FMN1: variants seen among roughly 807,000 people sequenced by gnomAD.
FMN1 encodes the protein formin-1.
FMN1 carries 110 observed loss-of-function variants against 132.4 expected under a neutral mutation model. The observed-to-expected ratio is 0.83, with a 90% confidence interval of 0.71 to 0.97. The LOEUF is 0.97. Ranked by LOEUF, FMN1 falls within the 50% of genes least tolerant of loss-of-function variation. The pLI, the probability that FMN1 is intolerant of heterozygous loss-of-function variation, is 0.00. For synonymous variants in FMN1, 722 were observed against 651.7 expected (o/e 1.11, Z -1.64); for missense variants, 1,792 against 1,705.3 (o/e 1.05, Z -0.90).
Position 32,774,982 on chromosome 15 carries a change from C to A in FMN1, c.4216-628G>T, listed in dbSNP as rs553510936. 2.0e-5 allele frequency among the ~76,000 whole-genome samples: 3 copies of A among 152,156 alleles called. No homozygotes were observed. The South Asian group carries it at 6.2e-4, about 32-fold the overall frequency. ...GGAGCACACTACACAGAAACATGGACCCCCATGGTATCTGTGACACTAGGG... is the reference window on the plus strand; with the variant it reads ...GGAGCACACTACACAGAAACATGGAACCCCATGGTATCTGTGACACTAGGG... On this transcript the variant is annotated intron_variant, in intron 20 of 20. Transcript: ENST00000616417.
intron 11 of FMN1, 22 bp downstream of exon 11, chr15:32,910,452 T>G: frequency 6.5e-7 from 1 of 1,539,352 alleles, no homozygotes; most frequent in Non-Finnish European, 8.8e-7. Context: ...AAATACTAGC[T>G]CTGTAAGTCT....
intron 7 of FMN1, among the ~76,000 whole-genome samples, chr15:32,987,491 GCTTT>G (rs2033143054): frequency 6.6e-6 from 1 of 152,126 alleles, no homozygotes; most frequent in African/African-American, 2.4e-5. Context: ...AGAGCAGAAG[GCTTT>G]CTGACTGCCT....
chr15:33,076,351 T>C (rs182232220), intron 5 of FMN1, among the ~76,000 whole-genome samples: 3 of 152,370 alleles, frequency 2.0e-5, no homozygotes, highest in Non-Finnish European at 2.9e-5. Flanking sequence ...TATTCCCTTC[T>C]TCTCATGCAG....
At chr15:33,110,489 T>C (rs1391658166) in intron 4 of FMN1, among the ~76,000 whole-genome samples, 1 of 152,012 alleles carries the variant, frequency 6.6e-6, no homozygotes, top group African/African-American at 2.4e-5. Context: ...GAATCTTCTA[T>C]ATTTTTCTAT....
At chr15:33,092,582 G>T (rs769183156) in intron 4 of FMN1, among the ~76,000 whole-genome samples, 1 of 152,128 alleles carries the variant, frequency 6.6e-6, no homozygotes, top group Admixed American at 6.6e-5. Flanking sequence ...CGAATGAGAC[G>T]TGGAACATCT....
intron 4 of FMN1, among the ~76,000 whole-genome samples, chr15:33,126,325 T>G (rs1394791502): frequency 2.0e-5 from 3 of 152,030 alleles, no homozygotes; most frequent in Non-Finnish European, 2.9e-5. Flanking sequence ...AACAGTCTAA[T>G]AGAGAGGAGG....
At chr15:33,048,110 G>A (rs533854779) in intron 6 of FMN1, among the ~76,000 whole-genome samples, 1 of 141,366 alleles carries the variant, frequency 7.1e-6, no homozygotes, top group Non-Finnish European at 1.5e-5. Flanking sequence ...TAAAGATTAT[G>A]GGTAAAATAA....
At chr15:32,914,295 A>G (rs901463268) in intron 10 of FMN1, among the ~76,000 whole-genome samples, 1 of 152,228 alleles carries the variant, frequency 6.6e-6, no homozygotes, top group African/African-American at 2.4e-5. Flanking sequence ...TAATTAAGCT[A>G]AATTCATCCA....
Position 33,154,749 on chromosome 15 carries a change from C to G in FMN1, c.166G>C (p.Glu56Gln). 1.3e-6 allele frequency: 2 copies of G among 1,536,102 alleles called. No individual in the cohort carries two copies. The highest frequency in any genetic ancestry group is 1.7e-6 in the Non-Finnish European group (2 of 1,146,926). The change falls in exon 4 of 21, where the codon GAG becomes CAG. Residue 56 changes from glutamate (E) to glutamine (Q), a missense_variant. Coordinates refer to ENST00000616417, the MANE Select transcript of FMN1 (RefSeq NM_001277313.2). ...TGGCTGAGGCTGATGATGTCTGACT[C>G]CTCCCTGACTTGGTAGCAGTTATGA... Reference protein sequence around the residue: ...GFHNCYQVREESDIISLSQEP... With the variant: ...GFHNCYQVREQSDIISLSQEP...
At chr15:33,085,750 G>A (rs1367655813) in intron 5 of FMN1, among the ~76,000 whole-genome samples, 1 of 151,980 alleles carries the variant, frequency 6.6e-6, no homozygotes, top group Non-Finnish European at 1.5e-5. Flanking sequence ...GGGGGAAAGG[G>A]TATAGGAAAA....
intron 6 of FMN1, among the ~76,000 whole-genome samples, chr15:33,057,833 A>G (rs75538279): frequency 3.7e-3 from 559 of 152,338 alleles, no homozygotes; most frequent in Non-Finnish European, 5.7e-3. Flanking sequence ...TTGTTCTACA[A>G]AAGAAGAAAA....
Position 33,107,824 on chromosome 15 carries a change from T to C in FMN1, c.1868-18850A>G, listed in dbSNP as rs116917456. ...ATATCAGATCTGGTTTTCTTCTGTATATAGGTGGTACTATGATGATCCCTC... is the reference window on the plus strand; with the variant it reads ...ATATCAGATCTGGTTTTCTTCTGTACATAGGTGGTACTATGATGATCCCTC... On this transcript the variant is annotated intron_variant, in intron 4 of 20. Coordinates refer to ENST00000616417, the MANE Select transcript of FMN1 (RefSeq NM_001277313.2). Among the ~76,000 whole-genome samples the C allele has an allele frequency of 5.0e-3, 754 of 152,278 alleles. 5 individuals carry two copies. Among genetic ancestry groups the C allele is most frequent in the Middle Eastern group, 0.01 (3 of 294 alleles).
At chr15:32,777,661 G>A (rs1567149901) in intron 19 of FMN1, among the ~76,000 whole-genome samples, 2 of 133,786 alleles carry the variant, frequency 1.5e-5, no homozygotes, top group East Asian at 2.4e-4. Flanking sequence ...TATATATTAC[G>A]TATAACATAA....
At chr15:33,020,906 G>C (rs146090828) in intron 6 of FMN1, among the ~76,000 whole-genome samples, 46 of 152,234 alleles carry the variant, frequency 3.0e-4, no homozygotes, top group African/African-American at 1.1e-3. Flanking sequence ...TAATGTGAAC[G>C]ACTGGAACTT....
intron 4 of FMN1, among the ~76,000 whole-genome samples, chr15:33,115,509 C>T (rs567135347): frequency 1.3e-5 from 2 of 149,672 alleles, no homozygotes; most frequent in Non-Finnish European, 3.0e-5. Context: ...CCCCCACACA[C>T]ACACGCACAC....
chr15:33,128,781 C>T (rs1017332641), intron 4 of FMN1, among the ~76,000 whole-genome samples: 3 of 152,222 alleles, frequency 2.0e-5, no homozygotes, highest in South Asian at 2.1e-4. Context: ...TGGACCCAAA[C>T]GGTGAGCAGC....
intron 17 of FMN1, among the ~76,000 whole-genome samples, chr15:32,808,501 A>G (rs2057759922): frequency 6.6e-6 from 1 of 152,234 alleles, no homozygotes; most frequent in Admixed American, 6.5e-5. Context: ...AATGAAGTGT[A>G]GCATAGAGGA....
intron 6 of FMN1, among the ~76,000 whole-genome samples, chr15:33,026,333 C>T (rs1175025645): frequency 6.7e-6 from 1 of 149,966 alleles, no homozygotes; most frequent in Non-Finnish European, 1.5e-5. Flanking sequence ...TATATAAATA[C>T]TAACTCTACT....
At chr15:32,847,650 C>A (rs781743184) in intron 17 of FMN1, among the ~76,000 whole-genome samples, 1 of 152,124 alleles carries the variant, frequency 6.6e-6, no homozygotes, top group Non-Finnish European at 1.5e-5. Flanking sequence ...GTCAGGAGAT[C>A]GAGACCATCC....
Sources: allele counts gnomAD v4.1 joint callset (sites outside exome capture counted in the v4.1 genomes callset), GRCh38; gene constraint gnomAD v4.1.1; transcripts MANE v1.5; gene names NCBI Gene and HGNC (gene_info 2026-07-23, HGNC 2026-07-21).